DNAJC21: variants seen among roughly 807,000 people sequenced by gnomAD.
DNAJC21 encodes DnaJ heat shock protein family (Hsp40) member C21, also known as dnaJ homolog subfamily C member 21.
A neutral mutation model predicts 72.4 loss-of-function variants in DNAJC21; 63 were observed. The observed-to-expected ratio is 0.87, with a 90% CI of 0.71 to 1.07. The LOEUF is 1.07. Among genes scored for constraint, DNAJC21 ranks in the 50% least tolerant of loss-of-function variants. DNAJC21 has a pLI of 0.00. For missense variants in DNAJC21, 634 were observed against 644.8 expected, an observed-to-expected ratio of 0.98 and a Z score of 0.18; for synonymous variants, 203 against 216.7, an observed-to-expected ratio of 0.94 and a Z score of 0.56.
intron 9 of DNAJC21, among the ~76,000 whole-genome samples, chr5:34,948,827 T>G (rs1765255732): frequency 6.6e-6 from 1 of 151,764 alleles, no homozygotes. Flanking sequence ...ATCACGCCAC[T>G]GCACTCCAGC....
At chr5:34,937,777 T>C in intron 5 of DNAJC21, 147 bp downstream of exon 5, 1 of 983,388 alleles carries the variant, frequency 1.0e-6, no homozygotes, top group South Asian at 1.9e-5. Context: ...CATTGGATAG[T>C]GTTTTTTCAT....
rs1183736739 is a variant in DNAJC21, at chr5:34,957,002, G to A, written c.*2288G>A. On this transcript the variant is annotated 3_prime_UTR_variant, in exon 12 of 12. Coordinates refer to ENST00000648817, the MANE Select transcript of DNAJC21 (RefSeq NM_001012339.3). ...ACAAAATATTGTTGAATTTAAATAA[G>A]GTAAATCTTTTTTAGTTTATATATT... 1 of 152,042 alleles carries A rather than the reference G, an allele frequency of 6.6e-6. No homozygotes were observed. Among genetic ancestry groups the A allele is most frequent in the African/African-American group, 2.4e-5 (1 of 41,418 alleles). 9.4% of individuals were successfully genotyped at this position (152,042 alleles called of 1,614,324 possible).
intron 10 of DNAJC21, chr5:34,952,482 T>C (rs1283754851): frequency 1.9e-5 from 3 of 156,214 alleles, no homozygotes; most frequent in Non-Finnish European, 2.8e-5. Context: ...AGCATTATCA[T>C]CACTTACTCA....
intron 7 of DNAJC21, 134 bp from the exon 8 acceptor site, chr5:34,944,733 A>G: frequency 7.9e-7 from 1 of 1,259,866 alleles, no homozygotes. Context: ...AAAAAGAAAA[A>G]AATAAATAGA....
intron 7 of DNAJC21, 56 bp from the exon 8 acceptor site, chr5:34,944,811 A>G: frequency 1.9e-6 from 3 of 1,598,676 alleles, no homozygotes; most frequent in Non-Finnish European, 2.6e-6. Context: ...CAGCAACATT[A>G]TCTGGACACG....
Position 34,950,806 on chromosome 5 carries a change from T to G in DNAJC21, c.1358+464T>G, listed in dbSNP as rs192815915. 5.9e-4 allele frequency: 586 copies of G among 986,852 alleles called. 2 individuals carry two copies. In the African/African-American group the frequency reaches 9.6e-3, roughly 16 times the overall value. 61.1% of individuals were successfully genotyped at this position (986,852 alleles called of 1,614,324 possible). The stretch of plus-strand genomic sequence containing the variant: ...CCTGCTCAGAGGAGCCCTGGACTCT[T>G]GGTGCTGCACAAGGCCATGGTGTGG... On this transcript the variant is annotated intron_variant, in intron 10 of 11. Transcript: ENST00000648817.
intron 11 of DNAJC21, 166 bp downstream of exon 11, chr5:34,954,167 A>G (rs1765466139): frequency 1.7e-6 from 1 of 579,668 alleles, no homozygotes; most frequent in Non-Finnish European, 2.8e-6. Context: ...TTTTTTCATT[A>G]AAATAAAAAG....
intron 7 of DNAJC21, among the ~76,000 whole-genome samples, chr5:34,942,561 AT>A (rs1010122332): frequency 1.1e-4 from 17 of 151,798 alleles, no homozygotes; most frequent in Admixed American, 6.6e-4. Context: ...GAGATTAAAA[AT>A]TTTTTTTTAT....
Position 34,954,670 on chromosome 5 carries a change from G to A in DNAJC21, c.1552G>A (p.Ala518Thr), listed in dbSNP as rs766748592. 55 of 1,610,968 alleles carry A rather than the reference G, an allele frequency of 3.4e-5. No individual in the cohort carries two copies. The Admixed American group carries it at 6.4e-4, about 19-fold the overall frequency. The change falls in exon 12 of 12, where the codon GCA becomes ACA. Residue 518 changes from alanine to threonine, a missense_variant. Physicochemically the swap from Ala to Thr is moderately conservative, Grantham distance 58. Transcript: ENST00000648817. ...ACCTTCATCATCGTCTTTAAACAGC[G>A]CAACAAGTAGTCAAAGCAAGAAAGA... ...RAPSSSSLNS[A>T]TSSQSKKEKR... is the part of the protein sequence containing the mutation.
At chr5:34,930,224 C>G (rs73080663) in intron 1 of DNAJC21, 6,377 of 196,138 alleles carry the variant, frequency 0.033, 323 homozygotes, top group African/African-American at 0.12. Flanking sequence ...GCAGACACCA[C>G]GAGGGAGCAG....
Position 34,933,828 on chromosome 5 carries a change from T to A in DNAJC21, c.111T>A (p.Asp37Glu). 6.2e-7 allele frequency: 1 copy of A among 1,613,730 alleles called. No homozygotes were observed. Among genetic ancestry groups the A allele is most frequent in the Non-Finnish European group, 8.5e-7 (1 of 1,179,850 alleles). ...TGACTTTAACAGATAAAAATCTGGA[T>A]AATGCCGCAGAAGCAGCTGAACAAT... ...ALKWHPDKNL[D>E]NAAEAAEQFK... Residue 37 changes from aspartate to glutamate, a missense_variant, in exon 2 of 12, where the codon GAT (aspartate) becomes GAA (glutamate). Coordinates refer to ENST00000648817, the MANE Select transcript of DNAJC21 (RefSeq NM_001012339.3).
In DNAJC21 at chr5:34,948,788, C is replaced by T. The variant is rs1002710954; in HGVS notation, c.1186-1382C>T. Among the ~76,000 whole-genome samples, 6 of 151,960 alleles carry T rather than the reference C, an allele frequency of 3.9e-5. No homozygotes were observed. In the South Asian group the frequency reaches 6.2e-4, roughly 16 times the overall value. On this transcript the variant is annotated intron_variant, in intron 9 of 11. Transcript: ENST00000648817. Reference sequence around the variant, plus strand: ...CCTGAGGCAGGAGAATCGTTGGAACCTGGGAGGCTGAGGTTGCAGTGAGCT... The same window carrying T: ...CCTGAGGCAGGAGAATCGTTGGAACTTGGGAGGCTGAGGTTGCAGTGAGCT...
At chr5:34,936,358 AC>A in intron 4 of DNAJC21, 92 bp downstream of exon 4, 1 of 1,467,524 alleles carries the variant, frequency 6.8e-7, no homozygotes, top group Non-Finnish European at 9.2e-7. Context: ...TCACTCTGTC[AC>A]CCAGGCTGCA....
intron 2 of DNAJC21, among the ~76,000 whole-genome samples, chr5:34,934,418 A>G (rs1412375138): frequency 1.4e-5 from 2 of 147,962 alleles, no homozygotes; most frequent in African/African-American, 2.5e-5. Flanking sequence ...TTTAGTAGAG[A>G]CGGGGTTTCA....
intron 9 of DNAJC21, among the ~76,000 whole-genome samples, chr5:34,948,471 C>A (rs1765244701): frequency 6.6e-6 from 1 of 152,102 alleles, no homozygotes; most frequent in Non-Finnish European, 1.5e-5. Flanking sequence ...GCGGGGCCTG[C>A]CAGTTAGGGA....
At chr5:34,936,454 G>C (rs1255762104) in intron 4 of DNAJC21, among the ~76,000 whole-genome samples, 188 bp downstream of exon 4, 2 of 152,122 alleles carry the variant, frequency 1.3e-5, no homozygotes, top group African/African-American at 4.8e-5. Flanking sequence ...GAGTAGCTGG[G>C]AACACAAGTG....
At chr5:34,949,576 GCTCA>G (rs1162437158) in intron 9 of DNAJC21, 6 of 1,569,256 alleles carry the variant, frequency 3.8e-6, no homozygotes, top group African/African-American at 1.3e-5. Context: ...TCTGCCTGCA[GCTCA>G]CTTTCAGATG....
Position 34,950,244 on chromosome 5 carries a change from T to C in DNAJC21, c.1260T>C (p.Asn420=). The part of the protein sequence containing the change: ...VKVDPEDTNL[N]QDSAKELEDS... ...TTGATCCAGAAGATACTAACTTAAA[T>C]CAAGACAGTGCCAAAGAATTGGAAG... Residue 420 remains asparagine (N), a synonymous_variant, in exon 10 of 12, where the codon AAT becomes AAC. Coordinates refer to ENST00000648817, the MANE Select transcript of DNAJC21 (RefSeq NM_001012339.3). 6.2e-7 allele frequency: 1 copy of C among 1,613,850 alleles called. No homozygotes were observed. Among genetic ancestry groups the C allele is most frequent in the Non-Finnish European group, 8.5e-7 (1 of 1,179,904 alleles).
chr5:34,929,857 A>G lies in DNAJC21; in HGVS notation c.38A>G (p.Asp13Gly), dbSNP rs1335920677. 1 of 1,561,886 alleles carries G rather than the reference A, an allele frequency of 6.4e-7. No homozygotes were observed. Among genetic ancestry groups the G allele is most frequent in the South Asian group, 1.1e-5 (1 of 87,826 alleles). Residue 13 changes from aspartate to glycine, a missense_variant, in exon 1 of 12, where the codon GAC (aspartate) becomes GGC (glycine). Asp to Gly is a moderately conservative substitution (Grantham distance 94). Coordinates refer to ENST00000648817, the MANE Select transcript of DNAJC21 (RefSeq NM_001012339.3). ...CHYEALGVRR[D>G]ASEEELKKAY... ...TATGAGGCGCTGGGGGTGCGGCGCG[A>G]CGCCAGCGAGGAGGAGCTCAAGAAG...
Sources: gnomAD v4.1 joint callset for allele counts (sites outside exome capture counted in the v4.1 genomes callset) on GRCh38, gnomAD v4.1.1 for gene constraint, MANE v1.5 for transcripts, NCBI Gene and HGNC (gene_info 2026-07-23, HGNC 2026-07-21) for gene names.